The following STAB1 variants were observed in gnomAD, a reference collection of about 807,000 sequenced individuals.
The protein encoded by STAB1 is stabilin-1.
A neutral mutation model predicts 332.4 loss-of-function variants in STAB1; 250 were observed. That is an observed-to-expected ratio of 0.75 (90% CI 0.68 to 0.84). The LOEUF is 0.84. STAB1 is among the 40% of genes least tolerant of loss of function. The pLI is 0.00. For synonymous variants in STAB1, 1,475 were observed against 1,390.4 expected (o/e 1.06, Z -1.35); for missense variants, 3,249 against 3,489.7 (o/e 0.93, Z 1.74).
intron 6 of STAB1, 29 bp from the exon 7 acceptor site, chr3:52,502,970 C>A: frequency 1.3e-6 from 2 of 1,507,364 alleles, no homozygotes; most frequent in Non-Finnish European, 1.8e-6. Context: ...TGGGCTTGGG[C>A]TCATCAGTGC....
rs763868440 is a variant in STAB1 at position 52,519,361 on chromosome 3, C to T, written c.5132C>T (p.Pro1711Leu). The T allele has an allele frequency of 6.2e-7, 1 of 1,613,110 alleles. No individual in the cohort carries two copies. Residue 1711 changes from proline (P) to leucine (L), a missense_variant, in exon 49 of 69, where the codon CCC (proline) becomes CTC (leucine). Coordinates refer to ENST00000321725, the MANE Select transcript of STAB1 (RefSeq NM_015136.3). ...LHFIDRVLLP[P>L]EALHWEPDDA... Reference sequence around the variant, plus strand: ...TTCATTGACCGTGTCCTGCTGCCCCCCGAGGCGCTGCACTGGGAGCCTGAT... The same window carrying T: ...TTCATTGACCGTGTCCTGCTGCCCCTCGAGGCGCTGCACTGGGAGCCTGAT...
At chr3:52,521,554 T>G (rs1371206698) in intron 56 of STAB1, 42 bp from the exon 57 acceptor site, 22 of 1,613,458 alleles carry the variant, frequency 1.4e-5, no homozygotes, top group Middle Eastern at 1.6e-4. Flanking sequence ...CCTTTGGCCC[T>G]TGTGGGCCAA....
rs537875899 is a variant in STAB1, at chr3:52,521,865, C to T, written c.6185C>T (p.Pro2062Leu). Reference protein sequence around the residue: ...VQLELQPVCTPPCAPEAVCRA... With the variant: ...VQLELQPVCTLPCAPEAVCRA... The stretch of plus-strand genomic sequence containing the variant: ...ACAGAGCTGCAGCCTGTGTGTACCC[C>T]ACCCTGTGCACCCGAGGCTGTGTGC... Residue 2062 changes from proline (P) to leucine (L), a missense_variant, in exon 58 of 69, where the codon CCA becomes CTA. Physicochemically the swap from Pro to Leu is moderately conservative, Grantham distance 98. Coordinates refer to ENST00000321725, the MANE Select transcript of STAB1 (RefSeq NM_015136.3). 15 of 1,602,636 alleles carry T rather than the reference C, an allele frequency of 9.4e-6. No individual in the cohort carries two copies. Among genetic ancestry groups the T allele is most frequent in the African/African-American group, 4.0e-5 (3 of 74,934 alleles).
In STAB1 at chr3:52,520,656, C is replaced by T. The variant is rs1479986963; in HGVS notation, c.5664C>T (p.Ile1888=). The T allele has an allele frequency of 6.4e-7, 1 of 1,558,824 alleles. No individual in the cohort carries two copies. The highest frequency in any genetic ancestry group is 8.7e-7 in the Non-Finnish European group (1 of 1,149,714). The part of the protein sequence containing the change: ...TRPLRLNTCS[I]CGLEPPCPEG... ...CTCCCTTCCAGAACACCTGCAGCATCTGTGGGCTGGAGCCACCCTGTCCTG... is the reference window on the plus strand; with the variant it reads ...CTCCCTTCCAGAACACCTGCAGCATTTGTGGGCTGGAGCCACCCTGTCCTG... Residue 1888 remains isoleucine, a synonymous_variant, in exon 54 of 69, where the codon ATC becomes ATT. Coordinates refer to ENST00000321725, the MANE Select transcript of STAB1 (RefSeq NM_015136.3).
At chr3:52,512,514 G>T in intron 27 of STAB1, 78 bp downstream of exon 27, 1 of 1,612,488 alleles carries the variant, frequency 6.2e-7, no homozygotes, top group Non-Finnish European at 8.5e-7. Flanking sequence ...GGTGGGAAAG[G>T]GGCACTGCTC....
At chr3:52,495,551 A>G (rs920692967) in intron 1 of STAB1, 60 bp downstream of exon 1, 1 of 1,257,132 alleles carries the variant, frequency 8.0e-7, no homozygotes, top group African/African-American at 1.5e-5. Flanking sequence ...CAGCGGTGGG[A>G]ACAGGGAGGG....
chr3:52,504,956 A>AG, intron 12 of STAB1, 47 bp from the exon 13 acceptor site: 1 of 1,612,584 alleles, frequency 6.2e-7, no homozygotes, highest in Non-Finnish European at 8.5e-7. Context: ...GCCTCCGGAC[A>AG]GGGGGCTGGC....
At chr3:52,517,227 A>C in intron 42 of STAB1, 93 bp from the exon 43 acceptor site, 1 of 1,318,606 alleles carries the variant, frequency 7.6e-7, no homozygotes, top group Non-Finnish European at 1.0e-6. Context: ...GGGGGCGCTG[A>C]GAGAGGAGGG....
chr3:52,512,456 G>T lies in STAB1; in HGVS notation c.2979+20G>T. ...TTCCGGGTAAGGGGTGCTCAGACTC[G>T]TTTTCTGTCTTCCCCGTGCTTGGGA... On this transcript the variant is annotated intron_variant, in intron 27 of 68. Transcript: ENST00000321725. 3.1e-6 allele frequency: 5 copies of T among 1,609,566 alleles called. No individual in the cohort carries two copies. The highest frequency in any genetic ancestry group is 4.2e-6 in the Non-Finnish European group (5 of 1,177,326).
In STAB1 at chr3:52,521,931, GGGATGGCCGTGTGT is replaced by G; in HGVS notation, c.6253_6266del (p.Asp2085TyrfsTer15). On this transcript the variant is annotated frameshift_variant, in exon 58 of 69. Coordinates refer to ENST00000321725, the MANE Select transcript of STAB1 (RefSeq NM_015136.3). LOFTEE classifies it high-confidence loss of function. ...TGTGAGTGCAGCCTGGGCTATGAAG[GGGATGGCCGTGTGT>G]GTACAGGTAAGCAGATGGGCGGGGA... is the stretch of plus-strand genomic sequence containing the variant. 6.2e-7 allele frequency: 1 copy of G among 1,609,302 alleles called. No homozygotes were observed. Among genetic ancestry groups the G allele is most frequent in the Non-Finnish European group, 8.5e-7 (1 of 1,176,934 alleles).
chr3:52,522,044 C>T lies in STAB1; in HGVS notation c.6279C>T (p.Asp2093=). The T allele has an allele frequency of 6.2e-7, 1 of 1,613,364 alleles. No individual in the cohort carries two copies. Among genetic ancestry groups the T allele is most frequent in the Non-Finnish European group, 8.5e-7 (1 of 1,179,940 alleles). Residue 2093 remains aspartate (D), a synonymous_variant, in exon 59 of 69, where the codon GAC becomes GAT. Transcript: ENST00000321725. ...CTCCCTCCCTGCCCTCAGTGGCAGA[C>T]CTGTGCCAGGACGGGCATGGTGGCT... The part of the protein sequence containing the change: ...EGDGRVCTVA[D]LCQDGHGGCS...
At chr3:52,502,857 T>G in intron 6 of STAB1, 130 bp downstream of exon 6, 1 of 1,231,662 alleles carries the variant, frequency 8.1e-7, no homozygotes, top group Non-Finnish European at 1.1e-6. Flanking sequence ...GGAAGGGGTG[T>G]CATCTGAGAC....
In STAB1 at chr3:52,510,495, G is replaced by T. The variant is rs1709217221; in HGVS notation, c.2775G>T (p.Val925=). The change falls in exon 25 of 69, where the codon GTG becomes GTT. Residue 925 remains valine (V), a synonymous_variant. Coordinates refer to ENST00000321725, the MANE Select transcript of STAB1 (RefSeq NM_015136.3). ...ACACCGATGCCCTCTGCAGCTATGT[G>T]GGCCCCGGGCAGGTGAGGTGCAGCA... ...GCHTDALCSY[V]GPGQSRCTCK... 9.3e-6 allele frequency: 15 copies of T among 1,613,068 alleles called. No homozygotes were observed. Among genetic ancestry groups the T allele is most frequent in the Non-Finnish European group, 1.3e-5 (15 of 1,179,746 alleles).
At chr3:52,523,386 C>T (rs1435231747) in intron 64 of STAB1, 41 bp from the exon 65 acceptor site, 3 of 1,609,190 alleles carry the variant, frequency 1.9e-6, no homozygotes, top group Non-Finnish European at 2.5e-6. Flanking sequence ...CATTGGCCAT[C>T]TCCATCTGGC....
Position 52,519,993 on chromosome 3 carries a change from C to T in STAB1, c.5285C>T (p.Thr1762Ile), listed in dbSNP as rs1478512595. Residue 1762 changes from threonine (T) to isoleucine (I), a missense_variant, in exon 51 of 69, where the codon ACA becomes ATA. Transcript: ENST00000321725. ...CGAGAGGCATCCCATAGGCCCTTCA[C>T]AATGCTGTGGCCCACAGACGCCGCC... is the stretch of plus-strand genomic sequence containing the variant. Reference protein sequence around the residue: ...LLREASHRPFTMLWPTDAAFR... With the variant: ...LLREASHRPFIMLWPTDAAFR... 1 of 1,611,138 alleles carries T rather than the reference C, an allele frequency of 6.2e-7. No homozygotes were observed. Among genetic ancestry groups the T allele is most frequent in the African/African-American group, 1.3e-5 (1 of 75,046 alleles).
chr3:52,503,608 C>T, intron 8 of STAB1, 68 bp downstream of exon 8: 1 of 1,579,432 alleles, frequency 6.3e-7, no homozygotes, highest in Non-Finnish European at 8.6e-7. Context: ...GGACCCTGGG[C>T]AAGTCACAGG....
chr3:52,512,676 T>G (rs1709381274), intron 28 of STAB1, 33 bp downstream of exon 28: 5 of 1,613,184 alleles, frequency 3.1e-6, no homozygotes, highest in African/African-American at 1.3e-5. Context: ...GGTTGAGGGC[T>G]CAAATCCAGG....
intron 28 of STAB1, 86 bp downstream of exon 28, chr3:52,512,729 G>A (rs986146745): frequency 8.1e-5 from 131 of 1,610,826 alleles, no homozygotes; most frequent in Non-Finnish European, 9.5e-5. Context: ...ATCTCCAAGC[G>A]TGGGAGGTTG....
intron 52 of STAB1, 26 bp downstream of exon 52, chr3:52,520,316 G>A (rs759524351): frequency 1.2e-6 from 2 of 1,613,006 alleles, no homozygotes; most frequent in South Asian, 1.1e-5. Context: ...GGGCTTGGAT[G>A]AAGGGAGTAG....
Sources: gnomAD v4.1 joint callset for allele counts on GRCh38, gnomAD v4.1.1 for gene constraint, MANE v1.5 for transcripts, NCBI Gene and HGNC (gene_info 2026-07-23, HGNC 2026-07-21) for gene names.